Variants in NRCAM observed in about 807,000 individuals in gnomAD.
The protein encoded by NRCAM is NgCAM-related cell adhesion molecule.
A neutral mutation model predicts 156.5 loss-of-function variants in NRCAM; 83 were observed. That is an observed-to-expected ratio of 0.53 (90% CI 0.44 to 0.64). The LOEUF (loss-of-function observed/expected upper bound fraction) is 0.64. Among genes scored for constraint, NRCAM ranks in the 30% least tolerant of loss-of-function variants. NRCAM has a pLI of 0.00. For missense variants in NRCAM, 1,417 were observed against 1,597.3 expected (o/e 0.89, Z 1.92); for synonymous variants, 538 against 563.9 (o/e 0.95, Z 0.65).
chr7:108,327,086 A>G (rs964866225), intron 2 of NRCAM, among the ~76,000 whole-genome samples: 1 of 152,160 alleles, frequency 6.6e-6, no homozygotes, highest in Non-Finnish European at 1.5e-5. Flanking sequence ...CTTCCTATTA[A>G]GAGGCTTAGT....
In NRCAM at chr7:108,166,897, G is replaced by C. The variant is rs753006480; in HGVS notation, c.3466+24C>G. 2.0e-5 allele frequency: 32 copies of C among 1,611,846 alleles called. No homozygotes were observed. The Admixed American group carries it at 5.2e-4, about 26-fold the overall frequency. ...GGCCTCCACCTCTGAGCGGGAGCCAGAACAGGTGTGGTGTGAGCCTCACCT... is the reference window on the plus strand; with the variant it reads ...GGCCTCCACCTCTGAGCGGGAGCCACAACAGGTGTGGTGTGAGCCTCACCT... On this transcript the variant is annotated intron_variant, in intron 30 of 32. Coordinates refer to ENST00000379028, the MANE Select transcript of NRCAM (RefSeq NM_001037132.4).
chr7:108,363,532 G>C (rs936000009), intron 2 of NRCAM, among the ~76,000 whole-genome samples: 1 of 152,148 alleles, frequency 6.6e-6, no homozygotes, highest in Non-Finnish European at 1.5e-5. Flanking sequence ...ATAGGTGTGA[G>C]CCACTGCATC....
Position 108,147,698 on chromosome 7 carries a change from C to CATTT in NRCAM, c.*2208_*2211dup, listed in dbSNP as rs1396284019. ...TACTTTTTTGAGGGAAATCCAGTCA[C>CATTT]ATTTGCCTGTACCATTACATACACC... On this transcript the variant is annotated 3_prime_UTR_variant, in exon 33 of 33. Coordinates refer to ENST00000379028, the MANE Select transcript of NRCAM (RefSeq NM_001037132.4). 1.3e-5 allele frequency: 2 copies of CATTT among 152,352 alleles called. No homozygotes were observed. The highest frequency in any genetic ancestry group is 2.9e-5 in the Non-Finnish European group (2 of 68,026). 9.4% of individuals were successfully genotyped at this position (152,352 alleles called of 1,614,324 possible).
intron 6 of NRCAM, among the ~76,000 whole-genome samples, chr7:108,233,307 A>T (rs1188477641): frequency 6.6e-6 from 1 of 152,180 alleles, no homozygotes; most frequent in Non-Finnish European, 1.5e-5. Context: ...TTCTAGGATC[A>T]CTTGGATTTC....
intron 3 of NRCAM, among the ~76,000 whole-genome samples, chr7:108,309,525 T>C (rs529369238): frequency 1.3e-5 from 2 of 152,246 alleles, no homozygotes; most frequent in African/African-American, 2.4e-5. Context: ...AATGATCCTG[T>C]AGGACAAAAT....
chr7:108,263,649 T>C (rs2096968665), intron 3 of NRCAM, among the ~76,000 whole-genome samples: 1 of 152,226 alleles, frequency 6.6e-6, no homozygotes, highest in African/African-American at 2.4e-5. Context: ...AACTGTCACA[T>C]AGAAACCACT....
At chr7:108,159,156 T>C in intron 32 of NRCAM, 1 of 475,910 alleles carries the variant, frequency 2.1e-6, no homozygotes, top group South Asian at 1.7e-5. Flanking sequence ...TTTTGTTGTT[T>C]TAATGCTCAT....
intron 2 of NRCAM, among the ~76,000 whole-genome samples, chr7:108,319,665 A>T (rs532374622): frequency 6.6e-6 from 1 of 152,324 alleles, no homozygotes; most frequent in South Asian, 2.1e-4. Flanking sequence ...GTGTGTGGTG[A>T]TGGGAACCGG....
rs185042734 is a variant in NRCAM at position 108,207,413 on chromosome 7, T to C, written c.1207+115A>G. 1,051 of 1,012,290 alleles carry C rather than the reference T, an allele frequency of 1.0e-3. 3 individuals are homozygous for C. Among genetic ancestry groups the C allele is most frequent in the Admixed American group, 4.8e-3 (197 of 40,878 alleles). 62.7% of individuals were successfully genotyped at this position (1,012,290 alleles called of 1,614,324 possible). On this transcript the variant is annotated intron_variant, in intron 13 of 32. Transcript: ENST00000379028. The stretch of plus-strand genomic sequence containing the variant: ...GGTAATTTGGTGCCTGTGTTTAACA[T>C]ACATGTGGCTTCCTTCCTTAACCTG...
chr7:108,232,450 T>C lies in NRCAM; in HGVS notation c.303A>G (p.Thr101=). The change falls in exon 7 of 33, where the codon ACA becomes ACG. Residue 101 remains threonine (T), a synonymous_variant. Coordinates refer to ENST00000379028, the MANE Select transcript of NRCAM (RefSeq NM_001037132.4). The stretch of plus-strand genomic sequence containing the variant: ...TCATGATGTTAATTATGAGCGTTCC[T>C]GTGCCAGGCTTCATGGTGACCAGAG... ...KDPLVTMKPG[T]GTLIINIMSE... The C allele has an allele frequency of 1.2e-6, 2 of 1,613,734 alleles. No individual in the cohort carries two copies. The highest frequency in any genetic ancestry group is 2.2e-5 in the South Asian group (2 of 91,054).
At chr7:108,287,623 G>A (rs2098142034) in intron 3 of NRCAM, among the ~76,000 whole-genome samples, 1 of 149,976 alleles carries the variant, frequency 6.7e-6, no homozygotes, top group East Asian at 1.9e-4. Context: ...AAAACCATTT[G>A]TGTCATGACA....
intron 30 of NRCAM, among the ~76,000 whole-genome samples, chr7:108,161,712 C>T (rs1482963135): frequency 6.6e-6 from 1 of 151,974 alleles, no homozygotes; most frequent in Non-Finnish European, 1.5e-5. Flanking sequence ...CATCTCATTG[C>T]CTCTTTTTCT....
intron 11 of NRCAM, among the ~76,000 whole-genome samples, chr7:108,214,499 T>TG (rs1554577597): frequency 1.4e-4 from 21 of 150,336 alleles, no homozygotes; most frequent in Non-Finnish European, 2.5e-4. Context: ...CTTCTCTCTT[T>TG]CTTCTTTATT....
intron 1 of NRCAM, 96 bp downstream of exon 1, chr7:108,456,147 G>A (rs1431911643): frequency 6.6e-6 from 1 of 152,664 alleles, no homozygotes; most frequent in Non-Finnish European, 1.5e-5. Flanking sequence ...CGGTGTCCAA[G>A]TGACAACGCA....
Position 108,379,501 on chromosome 7 carries a change from G to A in NRCAM, c.-174+19935C>T, listed in dbSNP as rs1436054393. On this transcript the variant is annotated intron_variant, in intron 2 of 32. Transcript: ENST00000379028. ...ATTTGTTTAATGGGTCTAGCATTTC[G>A]GTGCTGCCAAATGAAGAGTTCTGGA... Among the ~76,000 whole-genome samples the A allele has an allele frequency of 2.6e-5, 4 of 152,034 alleles. No individual in the cohort carries two copies. The South Asian group carries it at 6.2e-4, about 24-fold the overall frequency.
chr7:108,346,362 T>TTTTTACATG (rs1328213303), intron 2 of NRCAM, among the ~76,000 whole-genome samples: 3 of 152,176 alleles, frequency 2.0e-5, no homozygotes, highest in Non-Finnish European at 2.9e-5. Flanking sequence ...ACAGTATGCT[T>TTTTTACATG]TTTTACATGT....
chr7:108,351,060 A>G (rs576163602), intron 2 of NRCAM, among the ~76,000 whole-genome samples: 3 of 152,338 alleles, frequency 2.0e-5, no homozygotes, highest in Non-Finnish European at 4.4e-5. Context: ...TATGTTCCCC[A>G]AAGTTCATGT....
chr7:108,314,989 A>T (rs889205387), intron 2 of NRCAM, among the ~76,000 whole-genome samples: 1 of 152,016 alleles, frequency 6.6e-6, no homozygotes, highest in African/African-American at 2.4e-5. Context: ...TTAAGATATC[A>T]AGCCTTTGAT....
At chr7:108,342,661 A>G (rs1213261095) in intron 2 of NRCAM, among the ~76,000 whole-genome samples, 1 of 152,342 alleles carries the variant, frequency 6.6e-6, no homozygotes, top group Non-Finnish European at 1.5e-5. Flanking sequence ...AGGAGTCCTT[A>G]CACAGGTCCA....
Sources: gnomAD v4.1 joint callset for allele counts (sites outside exome capture counted in the v4.1 genomes callset) on GRCh38, gnomAD v4.1.1 for gene constraint, MANE v1.5 for transcripts, NCBI Gene and HGNC (gene_info 2026-07-23, HGNC 2026-07-21) for gene names.